DDX46: variants seen among roughly 807,000 people sequenced by gnomAD.
The protein encoded by DDX46 is DEAD-box helicase 46.
In DDX46, 30 loss-of-function variants were observed where a neutral mutation model predicts 134.9. The observed-to-expected ratio is 0.22, with a 90% CI of 0.17 to 0.30. The LOEUF is 0.30. Ranked by LOEUF, DDX46 falls within the 10% of genes least tolerant of loss-of-function variation. The pLI, the probability that DDX46 is intolerant of heterozygous loss-of-function variation, is 1.00. For missense variants in DDX46, 622 were observed against 1,248.7 expected (o/e 0.50, Z 7.56); for synonymous variants, 415 against 404.1 (o/e 1.03, Z -0.32).
chr5:134,824,586 A>G (rs964513095), intron 21 of DDX46, among the ~76,000 whole-genome samples: 12 of 152,342 alleles, frequency 7.9e-5, no homozygotes, highest in Middle Eastern at 3.4e-3. Context: ...TCTCAAAAAA[A>G]AGAAAAGAAA....
At chr5:134,816,159 C>T (rs1755283178) in intron 18 of DDX46, among the ~76,000 whole-genome samples, 2 of 152,196 alleles carry the variant, frequency 1.3e-5, no homozygotes. Flanking sequence ...TTCTGGTCCT[C>T]TCAGGAGTCT....
At chr5:134,788,378 T>C (rs1006274166) in intron 11 of DDX46, 135 bp from the exon 12 acceptor site, 3 of 607,000 alleles carry the variant, frequency 4.9e-6, no homozygotes, top group Non-Finnish European at 8.4e-6. Context: ...TCTTTAGTAG[T>C]GCCCCGAGAT....
At chr5:134,801,324 C>A (rs1289071664) in intron 15 of DDX46, among the ~76,000 whole-genome samples, 2 of 151,938 alleles carry the variant, frequency 1.3e-5, no homozygotes, top group African/African-American at 4.8e-5. Flanking sequence ...TAACTTTTTG[C>A]AGTTGGCTTT....
chr5:134,772,593 T>C (rs561632262), intron 4 of DDX46, among the ~76,000 whole-genome samples: 2 of 152,232 alleles, frequency 1.3e-5, no homozygotes, highest in South Asian at 4.1e-4. Context: ...TCCCAGGAAT[T>C]TGGGAGTTCA....
chr5:134,809,365 T>C (rs1241960503), intron 16 of DDX46, among the ~76,000 whole-genome samples: 2 of 152,148 alleles, frequency 1.3e-5, no homozygotes, highest in Non-Finnish European at 2.9e-5. Context: ...TAGATATTTC[T>C]GTTTTTGTTT....
chr5:134,778,640 C>G (rs1754028422), intron 6 of DDX46, among the ~76,000 whole-genome samples: 2 of 152,242 alleles, frequency 1.3e-5, no homozygotes, highest in African/African-American at 4.8e-5. Flanking sequence ...GTGGCGCAAT[C>G]TTGGCTCACT....
chr5:134,789,410 TTAGTGTGTACATA>T (rs1308830537), intron 12 of DDX46: 1 of 152,212 alleles, frequency 6.6e-6, no homozygotes, highest in Non-Finnish European at 1.5e-5. Flanking sequence ...ATTGCAATAT[TTAGTGTGTACATA>T]ATAGAGTATT....
At chr5:134,819,591 G>A (rs1221663914) in intron 21 of DDX46, among the ~76,000 whole-genome samples, 2 of 151,886 alleles carry the variant, frequency 1.3e-5, no homozygotes, top group African/African-American at 4.8e-5. Flanking sequence ...GTGCAGTGGC[G>A]CAATATCAGC....
intron 1 of DDX46, among the ~76,000 whole-genome samples, chr5:134,760,543 C>G (rs1317655541): frequency 6.6e-6 from 1 of 152,066 alleles, no homozygotes; most frequent in Non-Finnish European, 1.5e-5. Context: ...GTAATAGAAT[C>G]AGAATTCTCC....
intron 3 of DDX46, among the ~76,000 whole-genome samples, chr5:134,767,798 A>C (rs949286065): frequency 6.6e-6 from 1 of 151,738 alleles, no homozygotes; most frequent in Non-Finnish European, 1.5e-5. Flanking sequence ...TAAAAATACA[A>C]AATTAGCTGG....
chr5:134,779,493 CTTATT>C (rs1369310243), intron 6 of DDX46, among the ~76,000 whole-genome samples: 1 of 152,106 alleles, frequency 6.6e-6, no homozygotes, highest in African/African-American at 2.4e-5. Flanking sequence ...CACACTCGGC[CTTATT>C]TTATTTTTTA....
At chr5:134,769,012 T>A in intron 3 of DDX46, among the ~76,000 whole-genome samples, 1 of 152,072 alleles carries the variant, frequency 6.6e-6, no homozygotes, top group East Asian at 1.9e-4. Flanking sequence ...GAGCCGAGAT[T>A]GCGCCACTGC....
chr5:134,795,382 G>A (rs561451859), intron 14 of DDX46, among the ~76,000 whole-genome samples: 3 of 152,156 alleles, frequency 2.0e-5, no homozygotes, highest in African/African-American at 7.2e-5. Flanking sequence ...CCTAAAGAAT[G>A]GGATATTCTG....
chr5:134,826,886 T>C lies in DDX46; in HGVS notation c.2978-61T>C, dbSNP rs181100765. 8.2e-5 allele frequency: 124 copies of C among 1,513,002 alleles called. No homozygotes were observed. The African/African-American group carries it at 1.4e-3, about 18-fold the overall frequency. 93.7% of individuals were successfully genotyped at this position (1,513,002 alleles called of 1,614,324 possible). On this transcript the variant is annotated intron_variant, in intron 21 of 22. Transcript: ENST00000452510. ...AGTGTTTCTTCCTGGACCTCCGTGA[T>C]ATGGGTAAACACAGTGTAAGTTTAG...
intron 15 of DDX46, among the ~76,000 whole-genome samples, chr5:134,801,358 G>A (rs1168324467): frequency 6.6e-6 from 1 of 151,818 alleles, no homozygotes; most frequent in Non-Finnish European, 1.5e-5. Flanking sequence ...TAATAACTTT[G>A]ATATGCATCC....
At chr5:134,774,758 A>G (rs1753882301) in intron 5 of DDX46, among the ~76,000 whole-genome samples, 1 of 152,074 alleles carries the variant, frequency 6.6e-6, no homozygotes, top group African/African-American at 2.4e-5. Flanking sequence ...GTGCAGTGGC[A>G]CAGTCATAGT....
At chr5:134,804,455 T>G (rs999416263) in intron 15 of DDX46, among the ~76,000 whole-genome samples, 4 of 152,136 alleles carry the variant, frequency 2.6e-5, no homozygotes, top group Non-Finnish European at 4.4e-5. Flanking sequence ...TTATTTTTTT[T>G]GGGACAGGGT....
chr5:134,822,700 C>T lies in DDX46; in HGVS notation c.2977+3696C>T, dbSNP rs139502294. Among the ~76,000 whole-genome samples, 458 of 152,190 alleles carry T rather than the reference C, an allele frequency of 3.0e-3. 2 individuals are homozygous for T. Among genetic ancestry groups the T allele is most frequent in the African/African-American group, 0.011 (441 of 41,520 alleles). On this transcript the variant is annotated intron_variant, in intron 21 of 22. Coordinates refer to ENST00000452510, the MANE Select transcript of DDX46 (RefSeq NM_001300860.2). Reference sequence around the variant, plus strand: ...AAGCAAGCCTCCCACCTCAGCCCCCCATTTAGCTGGGACCACAGGTGTATG... The same window carrying T: ...AAGCAAGCCTCCCACCTCAGCCCCCTATTTAGCTGGGACCACAGGTGTATG...
At position 134,790,829 on chromosome 5, in the gene DDX46, AT is replaced by A. The variant is rs1248200615; in HGVS notation, c.1626+288del. Among the ~76,000 whole-genome samples, 507 of 148,004 alleles carry A rather than the reference AT, an allele frequency of 3.4e-3. 4 individuals carry two copies. The highest frequency in any genetic ancestry group is 0.028 in the Middle Eastern group (8 of 288). On this transcript the variant is annotated intron_variant, in intron 13 of 22. Coordinates refer to ENST00000452510, the MANE Select transcript of DDX46 (RefSeq NM_001300860.2). ...GTGCTAATAATAGAGCTTAAGCCTT[AT>A]TTTTTTTTTTCAGATGGAGTCTTGC...
Sources: gnomAD v4.1 joint callset for allele counts (sites outside exome capture counted in the v4.1 genomes callset) on GRCh38, gnomAD v4.1.1 for gene constraint, MANE v1.5 for transcripts, NCBI Gene and HGNC (gene_info 2026-07-23, HGNC 2026-07-21) for gene names.